Variants in NTRK2 observed in about 807,000 individuals in gnomAD.
The protein encoded by NTRK2 is BDNF/NT-3 growth factors receptor.
Under a neutral mutation model 94.5 loss-of-function variants are expected in NTRK2, and 13 were observed. The observed-to-expected ratio is 0.14, with a 90% CI of 0.09 to 0.22. The LOEUF (loss-of-function observed/expected upper bound fraction) is 0.22, where lower values mean the gene tolerates loss of function less well. Ranked by LOEUF, NTRK2 falls within the 10% of genes least tolerant of loss-of-function variation. NTRK2 has a pLI of 1.00. For missense variants in NTRK2, 639 were observed against 1,071.2 expected (o/e 0.60, Z 5.63); for synonymous variants, 372 against 407.4 (o/e 0.91, Z 1.05).
chr9:84,897,784 C>G (rs17087835), intron 14 of NTRK2, among the ~76,000 whole-genome samples: 5 of 152,150 alleles, frequency 3.3e-5, no homozygotes, highest in African/African-American at 1.2e-4. Context: ...TCACTTTGGC[C>G]GGAGCATTGG....
Position 85,024,357 on chromosome 9 carries a change from C to G in NTRK2, c.*2920C>G, listed in dbSNP as rs1832927739. On this transcript the variant is annotated 3_prime_UTR_variant, in exon 19 of 19. Transcript: ENST00000277120. ...CCTTCCATCAAATTTGTGAAAACTACAACAGTATAACAGTGACAAACCTAA... is the reference window on the plus strand; with the variant it reads ...CCTTCCATCAAATTTGTGAAAACTAGAACAGTATAACAGTGACAAACCTAA... The G allele has an allele frequency of 4.3e-6, 1 of 232,954 alleles. No individual in the cohort carries two copies. Among genetic ancestry groups the G allele is most frequent in the African/African-American group, 2.2e-5 (1 of 45,314 alleles). The allele number at this position is 232,954 out of a possible 1,614,324, so 14.4% of individuals were successfully genotyped here. A position where few individuals can be genotyped will look rare whatever the true frequency, so the allele number is the denominator to read the frequency against.
At chr9:84,914,374 G>A (rs375815361) in intron 14 of NTRK2, among the ~76,000 whole-genome samples, 1 of 151,958 alleles carries the variant, frequency 6.6e-6, no homozygotes, top group South Asian at 2.1e-4. Context: ...TATCTTTCTG[G>A]TTCATGATAT....
rs1254489338 is a variant in NTRK2 at position 84,751,855 on chromosome 9, A to G, written c.1297-131A>G. ...GTGAGTTGGTGTACATAAGGCTGTTATAAGAACAAGTGGTAAGCATTCAAT... is the reference window on the plus strand; with the variant it reads ...GTGAGTTGGTGTACATAAGGCTGTTGTAAGAACAAGTGGTAAGCATTCAAT... On this transcript the variant is annotated intron_variant, in intron 11 of 18. Transcript: ENST00000277120. 9 of 747,912 alleles carry G rather than the reference A, an allele frequency of 1.2e-5. No individual in the cohort carries two copies. The East Asian group carries it at 1.9e-4, about 15-fold the overall frequency. The allele number at this position is 747,912 out of a possible 1,614,324, so 46.3% of individuals were successfully genotyped here.
chr9:84,999,247 C>T (rs4400465), intron 17 of NTRK2, among the ~76,000 whole-genome samples: 110,590 of 151,702 alleles, frequency 0.73, 40,932 homozygotes, highest in African/African-American at 0.82. Flanking sequence ...GCCTGGGCTC[C>T]TTGAAGCTTG....
At chr9:84,680,106 T>C (rs960081325) in intron 2 of NTRK2, among the ~76,000 whole-genome samples, 1 of 152,170 alleles carries the variant, frequency 6.6e-6, no homozygotes, top group Non-Finnish European at 1.5e-5. Flanking sequence ...TTCATCTTGG[T>C]GGAATAGTTT....
intron 12 of NTRK2, among the ~76,000 whole-genome samples, chr9:84,820,802 T>A (rs2072763318): frequency 1.3e-5 from 2 of 152,224 alleles, no homozygotes. Context: ...TTTGGCCTTA[T>A]GGGCTATGGC....
intron 14 of NTRK2, among the ~76,000 whole-genome samples, chr9:84,890,033 G>A (rs75361221): frequency 6.6e-6 from 1 of 152,318 alleles, no homozygotes; most frequent in East Asian, 1.9e-4. Context: ...GCTGCACTTA[G>A]CACTTTGCTT....
At chr9:84,904,533 G>A (rs1335939578) in intron 14 of NTRK2, among the ~76,000 whole-genome samples, 1 of 152,108 alleles carries the variant, frequency 6.6e-6, no homozygotes, top group African/African-American at 2.4e-5. Flanking sequence ...GTTAAAAAGG[G>A]AATCTCAAAT....
intron 14 of NTRK2, among the ~76,000 whole-genome samples, chr9:84,883,214 C>T (rs1431381793): frequency 6.6e-6 from 1 of 152,176 alleles, no homozygotes; most frequent in East Asian, 1.9e-4. Context: ...GATCACTGTT[C>T]CAGGTTAGAC....
intron 14 of NTRK2, among the ~76,000 whole-genome samples, chr9:84,911,410 G>T (rs1219635349): frequency 6.6e-6 from 1 of 152,106 alleles, no homozygotes; most frequent in Non-Finnish European, 1.5e-5. Flanking sequence ...TAGAATTGGA[G>T]ATTTTCTCTT....
chr9:84,811,040 T>C, intron 12 of NTRK2: 1 of 1,081,160 alleles, frequency 9.2e-7, no homozygotes. Context: ...CTAATCTACA[T>C]GTAACACATA....
At chr9:84,692,996 G>A (rs1256282304) in intron 2 of NTRK2, among the ~76,000 whole-genome samples, 3 of 152,144 alleles carry the variant, frequency 2.0e-5, no homozygotes, top group South Asian at 2.1e-4. Flanking sequence ...AATGTGCTCC[G>A]AACAACCCAG....
intron 17 of NTRK2, among the ~76,000 whole-genome samples, chr9:84,957,606 C>T (rs1429514610): frequency 6.6e-6 from 1 of 152,210 alleles, no homozygotes; most frequent in East Asian, 1.9e-4. Context: ...GTTAGCCAGG[C>T]TGCAGAAAAA....
intron 12 of NTRK2, among the ~76,000 whole-genome samples, chr9:84,849,200 A>T (rs1423158513): frequency 3.3e-5 from 5 of 151,744 alleles, no homozygotes; most frequent in African/African-American, 7.3e-5. Flanking sequence ...GGCAGGGGGG[A>T]CTCTATTCAT....
chr9:84,957,504 A>G (rs1221863499), intron 17 of NTRK2, among the ~76,000 whole-genome samples: 2 of 152,244 alleles, frequency 1.3e-5, no homozygotes, highest in African/African-American at 4.8e-5. Flanking sequence ...ACATGAAAAG[A>G]TGGGTGACAT....
intron 12 of NTRK2, among the ~76,000 whole-genome samples, chr9:84,753,218 T>G (rs2064794889): frequency 6.6e-6 from 1 of 152,082 alleles, no homozygotes. Flanking sequence ...TGATCCTTGA[T>G]GTTTCTTCAG....
At chr9:84,738,973 G>T (rs2063445011) in intron 9 of NTRK2, among the ~76,000 whole-genome samples, 1 of 152,172 alleles carries the variant, frequency 6.6e-6, no homozygotes, top group Admixed American at 6.5e-5. Flanking sequence ...GGTGAACTTG[G>T]TAGGAAAGGC....
intron 10 of NTRK2, 142 bp downstream of exon 10, chr9:84,742,069 A>G: frequency 1.4e-6 from 1 of 734,748 alleles, no homozygotes; most frequent in East Asian, 2.7e-5. Context: ...ATTTCAAAAA[A>G]TCATTCAATA....
chr9:84,781,545 G>A (rs2067567295), intron 12 of NTRK2, among the ~76,000 whole-genome samples: 1 of 152,060 alleles, frequency 6.6e-6, no homozygotes, highest in South Asian at 2.1e-4. Flanking sequence ...AATAAATAAT[G>A]TATTTTAGTC....
Sources: allele counts gnomAD v4.1 joint callset (sites outside exome capture counted in the v4.1 genomes callset), GRCh38; gene constraint gnomAD v4.1.1; transcripts MANE v1.5; gene names NCBI Gene and HGNC (gene_info 2026-07-23, HGNC 2026-07-21).